CNKSR2: variants seen among roughly 807,000 people sequenced by gnomAD.
CNKSR2 encodes the protein connector enhancer of kinase suppressor of Ras 2, also known as CNK homolog protein 2.
CNKSR2 carries 14 observed loss-of-function variants against 84.4 expected under a neutral mutation model. That is an observed-to-expected ratio of 0.17 (90% CI 0.11 to 0.26). CNKSR2 has a LOEUF of 0.26. Among genes scored for constraint, CNKSR2 ranks in the 10% least tolerant of loss-of-function variants. The pLI is 1.00. For missense variants in CNKSR2, 485 were observed against 771.2 expected (o/e 0.63, Z 4.40); for synonymous variants, 275 against 277.9 (o/e 0.99, Z 0.10).
intron 1 of CNKSR2, among the ~76,000 whole-genome samples, chrX:21,417,929 CT>C (rs779135487): frequency 2.7e-5 from 3 of 111,300 alleles, no homozygotes; most frequent in African/African-American, 6.5e-5. Context: ...TAAGTAAAGA[CT>C]TCCTCCTGCC....
intron 10 of CNKSR2, among the ~76,000 whole-genome samples, chrX:21,529,713 C>T (rs1444417375): frequency 9.0e-6 from 1 of 110,821 alleles, no homozygotes; most frequent in Non-Finnish European, 1.9e-5. Flanking sequence ...CACACATTTA[C>T]ATACACAATA....
chrX:21,553,547 AC>A (rs1343280013), intron 11 of CNKSR2, among the ~76,000 whole-genome samples: 1 of 109,701 alleles, frequency 9.1e-6, no homozygotes, highest in African/African-American at 3.3e-5. Context: ...AAAAAAAAAA[AC>A]TTTGGTCTGT....
chrX:21,544,486 G>A (rs2092004177), intron 11 of CNKSR2, among the ~76,000 whole-genome samples: 1 of 111,853 alleles, frequency 8.9e-6, no homozygotes, highest in Admixed American at 9.5e-5. Flanking sequence ...AAAATGGTTG[G>A]AGAGCCTTAA....
intron 20 of CNKSR2, among the ~76,000 whole-genome samples, chrX:21,635,653 T>C (rs894051563): frequency 2.7e-5 from 3 of 109,570 alleles, no homozygotes; most frequent in Non-Finnish European, 3.8e-5. Flanking sequence ...CCAAAGAAGC[T>C]GAGCAGTAAA....
chrX:21,521,550 G>A (rs1438066860), intron 9 of CNKSR2, among the ~76,000 whole-genome samples: 2 of 110,750 alleles, frequency 1.8e-5, no homozygotes, highest in African/African-American at 6.5e-5. Flanking sequence ...CAGTTTTAAT[G>A]TTGCAGTTTA....
chrX:21,531,407 C>T (rs1235227705), intron 10 of CNKSR2, among the ~76,000 whole-genome samples: 2 of 111,052 alleles, frequency 1.8e-5, no homozygotes, highest in African/African-American at 6.5e-5. Context: ...AAGCATTATA[C>T]TTAAGTTAAC....
intron 5 of CNKSR2, among the ~76,000 whole-genome samples, chrX:21,487,479 T>C (rs1345830475): frequency 8.9e-6 from 1 of 111,844 alleles, no homozygotes; most frequent in Non-Finnish European, 1.9e-5. Context: ...TTGGACTCTT[T>C]TGAAATATGC....
chrX:21,438,981 A>G (rs1320864884), intron 3 of CNKSR2, among the ~76,000 whole-genome samples: 1 of 111,680 alleles, frequency 9.0e-6, no homozygotes, highest in Non-Finnish European at 1.9e-5. Flanking sequence ...GGAAGTAGAC[A>G]AATCCACAGT....
intron 9 of CNKSR2, among the ~76,000 whole-genome samples, chrX:21,522,586 C>A: frequency 9.0e-6 from 1 of 110,578 alleles, no homozygotes; most frequent in East Asian, 2.9e-4. Flanking sequence ...TATAGAAGTT[C>A]TTTTCTCATG....
chrX:21,375,029 G>T (rs748824243), intron 1 of CNKSR2, 68 bp downstream of exon 1: 1 of 926,013 alleles, frequency 1.1e-6, no homozygotes, highest in South Asian at 2.0e-5. Flanking sequence ...GTTAGGAGGG[G>T]GCGCCCGCCG....
chrX:21,615,762 C>A (rs998714375), intron 20 of CNKSR2, among the ~76,000 whole-genome samples: 1 of 111,611 alleles, frequency 9.0e-6, no homozygotes, highest in Non-Finnish European at 1.9e-5. Context: ...TTAGGCCTGG[C>A]AAACCTCATT....
chrX:21,401,102 A>G (rs1238058085), intron 1 of CNKSR2, among the ~76,000 whole-genome samples: 1 of 111,195 alleles, frequency 9.0e-6, no homozygotes. Context: ...CTGAACAATG[A>G]TTTGTTAAAA....
At position 21,429,990 on chromosome X, in the gene CNKSR2, G is replaced by T. The variant is rs191316143; in HGVS notation, c.229-2622G>T. ...GTTAAAATAGTAGCACATAAATCTG[G>T]TTACATACAGATGAGCTTCTTACCT... On this transcript the variant is annotated intron_variant, in intron 2 of 21. Coordinates refer to ENST00000379510, the MANE Select transcript of CNKSR2 (RefSeq NM_014927.5). Among the ~76,000 whole-genome samples the T allele has an allele frequency of 3.9e-4, 44 of 111,779 alleles. No individual in the cohort carries two copies. In the East Asian group the frequency reaches 0.011, roughly 29 times the overall value.
chrX:21,534,905 GT>G (rs756425886), intron 11 of CNKSR2, among the ~76,000 whole-genome samples: 5 of 110,148 alleles, frequency 4.5e-5, no homozygotes, highest in African/African-American at 6.6e-5. Context: ...CCGTTTGTCT[GT>G]TTTTTTTCTT....
At chrX:21,383,695 T>A (rs973648447) in intron 1 of CNKSR2, among the ~76,000 whole-genome samples, 20 of 111,214 alleles carry the variant, frequency 1.8e-4, no homozygotes, top group Non-Finnish European at 3.8e-4. Flanking sequence ...TTTTGGTGTT[T>A]GTTTGAACTT....
intron 5 of CNKSR2, among the ~76,000 whole-genome samples, chrX:21,487,818 G>A: frequency 8.9e-6 from 1 of 112,333 alleles, no homozygotes; most frequent in Middle Eastern, 4.6e-3. Context: ...AAAATACAGA[G>A]AATGGGATTC....
chrX:21,386,908 T>A (rs1852029019), intron 1 of CNKSR2, among the ~76,000 whole-genome samples: 1 of 112,239 alleles, frequency 8.9e-6, no homozygotes, highest in African/African-American at 3.2e-5. Context: ...TCTCCTAAAT[T>A]GCTCATTATC....
intron 20 of CNKSR2, among the ~76,000 whole-genome samples, chrX:21,635,411 T>TACAC (rs2092666765): frequency 1.1e-4 from 12 of 104,419 alleles, no homozygotes; most frequent in Non-Finnish European, 2.3e-4. Context: ...TGTGTGTGTA[T>TACAC]ATATACACAT....
intron 8 of CNKSR2, among the ~76,000 whole-genome samples, chrX:21,512,512 G>GTAGAAT (rs1413687722): frequency 5.4e-5 from 6 of 111,509 alleles, no homozygotes; most frequent in Non-Finnish European, 1.1e-4. Flanking sequence ...GCTATTAAAG[G>GTAGAAT]TTTTGAAGCA....
Sources: allele counts gnomAD v4.1 joint callset (sites outside exome capture counted in the v4.1 genomes callset), GRCh38; gene constraint gnomAD v4.1.1; transcripts MANE v1.5; gene names NCBI Gene and HGNC (gene_info 2026-07-23, HGNC 2026-07-21).